The following BBS9 variants were observed in gnomAD, a reference collection of about 807,000 sequenced individuals.
The protein encoded by BBS9 is Bardet-Biedl syndrome 9, also known as protein PTHB1.
Under a neutral mutation model 117.7 loss-of-function variants are expected in BBS9, and 89 were observed. The observed-to-expected ratio is 0.76, with a 90% CI of 0.64 to 0.90. The LOEUF (loss-of-function observed/expected upper bound fraction) is 0.90, where lower values mean the gene tolerates loss of function less well. Among genes scored for constraint, BBS9 ranks in the 40% least tolerant of loss-of-function variants. The pLI is 0.00. For missense variants in BBS9, 982 were observed against 1,042.2 expected, an observed-to-expected ratio of 0.94 and a Z score of 0.80; for synonymous variants, 379 against 370.9, an observed-to-expected ratio of 1.02 and a Z score of -0.25.
At chr7:33,493,466 A>G (rs1416268476) in intron 19 of BBS9, among the ~76,000 whole-genome samples, 2 of 152,186 alleles carry the variant, frequency 1.3e-5, no homozygotes, top group Non-Finnish European at 2.9e-5. Flanking sequence ...GGTAAATGAG[A>G]ATGAGTGACT....
chr7:33,468,763 T>A (rs979792659), intron 19 of BBS9, among the ~76,000 whole-genome samples: 1 of 152,174 alleles, frequency 6.6e-6, no homozygotes, highest in Non-Finnish European at 1.5e-5. Flanking sequence ...ATGCAATGTT[T>A]GTCTTTCTGT....
intron 19 of BBS9, among the ~76,000 whole-genome samples, chr7:33,451,095 A>C (rs1269299723): frequency 2.6e-5 from 4 of 151,900 alleles, no homozygotes; most frequent in Non-Finnish European, 5.9e-5. Context: ...TCATCATGTT[A>C]GCCAGGATGG....
intron 21 of BBS9, among the ~76,000 whole-genome samples, chr7:33,559,864 GAAGGATGCATATTCT>G (rs1385393258): frequency 1.3e-5 from 2 of 152,106 alleles, no homozygotes; most frequent in Non-Finnish European, 1.5e-5. Flanking sequence ...GCAGCTTCCA[GAAGGATGCATATTCT>G]CCTTTGTTCC....
At chr7:33,350,226 CT>C (rs1323168235) in intron 13 of BBS9, among the ~76,000 whole-genome samples, 1 of 152,098 alleles carries the variant, frequency 6.6e-6, no homozygotes, top group Non-Finnish European at 1.5e-5. Context: ...AAGAACATAT[CT>C]TTCTTTTTTT....
intron 18 of BBS9, among the ~76,000 whole-genome samples, chr7:33,386,702 G>T (rs965929173): frequency 3.3e-5 from 5 of 151,788 alleles, no homozygotes; most frequent in Non-Finnish European, 7.4e-5. Context: ...CACTGTGTTA[G>T]CCAGGATGGT....
chr7:33,230,786 T>C (rs1175619899), intron 5 of BBS9, among the ~76,000 whole-genome samples: 1 of 152,236 alleles, frequency 6.6e-6, no homozygotes, highest in African/African-American at 2.4e-5. Flanking sequence ...TTCTATGATG[T>C]ATATATAGCA....
intron 17 of BBS9, among the ~76,000 whole-genome samples, chr7:33,372,058 G>A (rs1054003932): frequency 5.9e-5 from 9 of 152,178 alleles, no homozygotes; most frequent in Admixed American, 3.9e-4. Flanking sequence ...ATTCTTGAAA[G>A]TTTGAGGAAG....
intron 5 of BBS9, among the ~76,000 whole-genome samples, chr7:33,201,318 A>G (rs1785814129): frequency 6.6e-6 from 1 of 152,006 alleles, no homozygotes; most frequent in South Asian, 2.1e-4. Context: ...TCTGTTTCCT[A>G]TGGAGGAAGG....
chr7:33,189,592 T>TA (rs146507635), intron 5 of BBS9, among the ~76,000 whole-genome samples: 22,320 of 150,758 alleles, frequency 0.15, 1,918 homozygotes, highest in South Asian at 0.22. Context: ...TTTTTTTAAT[T>TA]AAAAAAAAAT....
At chr7:33,305,859 A>C (rs1807815013) in intron 9 of BBS9, among the ~76,000 whole-genome samples, 1 of 151,560 alleles carries the variant, frequency 6.6e-6, no homozygotes, top group Admixed American at 6.6e-5. Flanking sequence ...CCAGCTTTTC[A>C]TTTGGCTAAT....
chr7:33,507,084 A>AG lies in BBS9; in HGVS notation c.2298+1441dup, dbSNP rs573407777. Among the ~76,000 whole-genome samples, 177 of 152,354 alleles carry AG rather than the reference A, an allele frequency of 1.2e-3. 1 individual carries two copies. Among genetic ancestry groups the AG allele is most frequent in the African/African-American group, 4.0e-3 (165 of 41,580 alleles). ...GTAGCTGTAAGATGGAAACAATAGT[A>AG]GGACCTACCCAGTAAGTTGTAATAG... On this transcript the variant is annotated intron_variant, in intron 20 of 22. Transcript: ENST00000242067.
In BBS9 at chr7:33,614,839, A is replaced by G. The variant is rs116131040; in HGVS notation, c.2522-20338A>G. 2.9e-3 allele frequency among the ~76,000 whole-genome samples: 448 copies of G among 152,196 alleles called. 2 individuals carry two copies. The highest frequency in any genetic ancestry group is 9.9e-3 in the African/African-American group (410 of 41,542). ...TTTCCAACAGTGTGAGAGGAAATCA[A>G]ACGATTTTGAAATATGCCAGAGCAT... is the stretch of plus-strand genomic sequence containing the variant. On this transcript the variant is annotated intron_variant, in intron 21 of 21. Transcript: ENST00000671952.
chr7:33,437,317 C>A (rs1267456299), intron 19 of BBS9, among the ~76,000 whole-genome samples: 2 of 152,296 alleles, frequency 1.3e-5, no homozygotes, highest in East Asian at 3.9e-4. Context: ...TGCTCCCACA[C>A]CAGTCTTCTT....
chr7:33,374,581 T>G (rs1823462634), intron 17 of BBS9, among the ~76,000 whole-genome samples: 1 of 152,136 alleles, frequency 6.6e-6, no homozygotes, highest in Non-Finnish European at 1.5e-5. Flanking sequence ...TTGCTAATAT[T>G]GAAGAGGTTG....
chr7:33,565,414 T>C (rs546523967), intron 21 of BBS9, among the ~76,000 whole-genome samples: 2 of 152,260 alleles, frequency 1.3e-5, no homozygotes, highest in East Asian at 3.9e-4. Context: ...GTGTACTGGC[T>C]GAAACATTTG....
chr7:33,468,312 G>A (rs1419914), intron 19 of BBS9, among the ~76,000 whole-genome samples: 115,392 of 151,990 alleles, frequency 0.76, 44,396 homozygotes, highest in African/African-American at 0.88. Context: ...TTTATATTCT[G>A]CAATGAAGGC....
intron 19 of BBS9, among the ~76,000 whole-genome samples, chr7:33,416,490 A>G (rs1832038411): frequency 6.6e-6 from 1 of 152,072 alleles, no homozygotes; most frequent in Admixed American, 6.6e-5. Context: ...TTTAGGGTTC[A>G]GGACACTATA....
intron 5 of BBS9, among the ~76,000 whole-genome samples, chr7:33,223,599 T>A (rs1790682687): frequency 6.6e-6 from 1 of 152,220 alleles, no homozygotes; most frequent in Non-Finnish European, 1.5e-5. Context: ...CCCCAAGACT[T>A]AGGAATGTCT....
chr7:33,405,606 T>C (rs1268239757), intron 19 of BBS9, among the ~76,000 whole-genome samples: 2 of 152,254 alleles, frequency 1.3e-5, no homozygotes, highest in East Asian at 3.8e-4. Flanking sequence ...TATCCATTTC[T>C]TCTAGATTTT....
Sources: allele counts gnomAD v4.1 joint callset (sites outside exome capture counted in the v4.1 genomes callset), GRCh38; gene constraint gnomAD v4.1.1; transcripts MANE v1.5; gene names NCBI Gene and HGNC (gene_info 2026-07-23, HGNC 2026-07-21).